CERS6: variants seen among roughly 807,000 people sequenced by gnomAD.
CERS6 encodes the protein ceramide synthase 6.
A neutral mutation model predicts 56.8 loss-of-function variants in CERS6; 26 were observed. The observed-to-expected ratio is 0.46, with a 90% CI of 0.34 to 0.63. The LOEUF (loss-of-function observed/expected upper bound fraction) is 0.63, where lower values mean the gene tolerates loss of function less well. CERS6 is among the 30% of genes least tolerant of loss of function. The probability of loss-of-function intolerance (pLI) is 0.01; values close to 1 mark genes in which losing one functional copy is unlikely to be tolerated. For missense variants in CERS6, 415 were observed against 467.5 expected (o/e 0.89, Z 1.04); for synonymous variants, 164 against 173.3 (o/e 0.95, Z 0.42).
At chr2:168,655,637 A>G (rs558541788) in intron 4 of CERS6, among the ~76,000 whole-genome samples, 1 of 152,372 alleles carries the variant, frequency 6.6e-6, no homozygotes, top group Non-Finnish European at 1.5e-5. Context: ...AAAATACTGC[A>G]TGGTCTCACT....
At chr2:168,673,664 C>T (rs1187163220) in intron 4 of CERS6, among the ~76,000 whole-genome samples, 1 of 152,172 alleles carries the variant, frequency 6.6e-6, no homozygotes, top group African/African-American at 2.4e-5. Flanking sequence ...GAGAGTGGGG[C>T]TCCAGTGTCC....
At chr2:168,656,826 T>C (rs1029186278) in intron 4 of CERS6, among the ~76,000 whole-genome samples, 7 of 152,176 alleles carry the variant, frequency 4.6e-5, no homozygotes, top group South Asian at 2.1e-4. Context: ...TGGTAGAGCC[T>C]AGTGGCCTGT....
chr2:168,728,688 T>C (rs1047082572), intron 8 of CERS6, among the ~76,000 whole-genome samples: 3 of 151,972 alleles, frequency 2.0e-5, no homozygotes, highest in Non-Finnish European at 4.4e-5. Context: ...CTTTTTCCTT[T>C]TGTGACTTGA....
At chr2:168,492,752 T>TA (rs1431180958) in intron 1 of CERS6, among the ~76,000 whole-genome samples, 1 of 152,142 alleles carries the variant, frequency 6.6e-6, no homozygotes, top group African/African-American at 2.4e-5. Context: ...TTTTAGGTCT[T>TA]ACGTTTAAGT....
intron 8 of CERS6, among the ~76,000 whole-genome samples, chr2:168,750,817 C>T (rs1408998355): frequency 1.3e-5 from 2 of 152,280 alleles, no homozygotes; most frequent in African/African-American, 4.8e-5. Flanking sequence ...CGTATTGTAA[C>T]ATTATCAGCC....
rs183558606 is a variant in CERS6, at chr2:168,730,548, A to C, written c.845+12570A>C. Among the ~76,000 whole-genome samples the C allele has an allele frequency of 6.0e-4, 91 of 152,158 alleles. No individual in the cohort carries two copies. The East Asian group carries it at 0.014, about 23-fold the overall frequency. ...CGTCCAAGGAAGAGTTCTGGCATAA[A>C]GATTTTAAATTCTGTATGAGGGACC... On this transcript the variant is annotated intron_variant, in intron 8 of 9. Transcript: ENST00000305747.
intron 1 of CERS6, among the ~76,000 whole-genome samples, chr2:168,485,934 A>C (rs990827515): frequency 2.0e-5 from 3 of 152,180 alleles, no homozygotes; most frequent in African/African-American, 7.2e-5. Flanking sequence ...CAGAAACTGC[A>C]AAACTGTTTT....
At chr2:168,765,823 C>T in intron 9 of CERS6, 75 bp downstream of exon 9, 1 of 1,304,098 alleles carries the variant, frequency 7.7e-7, no homozygotes, top group Non-Finnish European at 1.1e-6. Context: ...CAACTATTTA[C>T]TATTCCATAT....
chr2:168,513,016 C>A (rs1294578819), intron 1 of CERS6, among the ~76,000 whole-genome samples: 1 of 152,090 alleles, frequency 6.6e-6, no homozygotes, highest in African/African-American at 2.4e-5. Flanking sequence ...TTGTACTTTT[C>A]TCTCATTTTT....
intron 1 of CERS6, among the ~76,000 whole-genome samples, chr2:168,530,185 G>A (rs960540925): frequency 2.0e-5 from 3 of 152,228 alleles, no homozygotes; most frequent in Admixed American, 6.5e-5. Flanking sequence ...AAGCTGACAG[G>A]CTGTGCTGGA....
intron 4 of CERS6, among the ~76,000 whole-genome samples, chr2:168,674,231 T>C (rs1685996177): frequency 6.6e-6 from 1 of 152,228 alleles, no homozygotes; most frequent in African/African-American, 2.4e-5. Flanking sequence ...CTCAGGATGA[T>C]GATTTTTTAG....
intron 6 of CERS6, among the ~76,000 whole-genome samples, chr2:168,703,160 T>C (rs10187954): frequency 0.9 from 136,493 of 152,208 alleles, 61,628 homozygotes; most frequent in Non-Finnish European, 0.95. Context: ...ATAGATATAG[T>C]CCTCATAAAC....
chr2:168,594,771 C>G (rs1683757415), intron 3 of CERS6, among the ~76,000 whole-genome samples: 1 of 152,146 alleles, frequency 6.6e-6, no homozygotes, highest in Admixed American at 6.5e-5. Context: ...TCCAGAGATT[C>G]TTCCCTGAGC....
At chr2:168,762,348 C>A (rs1386092776) in intron 8 of CERS6, among the ~76,000 whole-genome samples, 2 of 152,146 alleles carry the variant, frequency 1.3e-5, no homozygotes, top group Non-Finnish European at 2.9e-5. Flanking sequence ...CTGCCATGCT[C>A]AATGGCTGGA....
chr2:168,636,691 C>G (rs1684867191), intron 4 of CERS6, among the ~76,000 whole-genome samples: 1 of 152,170 alleles, frequency 6.6e-6, no homozygotes, highest in Non-Finnish European at 1.5e-5. Context: ...AAAGGAAATT[C>G]TTCAGTGCTG....
chr2:168,539,632 C>T (rs541725371), intron 1 of CERS6, among the ~76,000 whole-genome samples: 1 of 152,310 alleles, frequency 6.6e-6, no homozygotes, highest in South Asian at 2.1e-4. Flanking sequence ...TATGTCTAAA[C>T]ATGCACCTGC....
intron 3 of CERS6, among the ~76,000 whole-genome samples, chr2:168,579,046 C>T (rs1443282039): frequency 4.6e-5 from 7 of 151,996 alleles, no homozygotes; most frequent in African/African-American, 7.2e-5. Flanking sequence ...ATAATTCCTT[C>T]GGTTATTTTT....
At chr2:168,609,905 G>T (rs574722592) in intron 3 of CERS6, among the ~76,000 whole-genome samples, 1 of 151,058 alleles carries the variant, frequency 6.6e-6, no homozygotes, top group Non-Finnish European at 1.5e-5. Flanking sequence ...ACTAGGGCAG[G>T]TTGACCTTGA....
At chr2:168,747,019 A>G (rs1684128797) in intron 8 of CERS6, among the ~76,000 whole-genome samples, 2 of 151,970 alleles carry the variant, frequency 1.3e-5, no homozygotes, top group Admixed American at 6.5e-5. Context: ...ATCATGTTTT[A>G]TACATATGTG....
Sources: allele counts gnomAD v4.1 joint callset (sites outside exome capture counted in the v4.1 genomes callset), GRCh38; gene constraint gnomAD v4.1.1; transcripts MANE v1.5; gene names NCBI Gene and HGNC (gene_info 2026-07-23, HGNC 2026-07-21).